The following THAP4 variants were observed in gnomAD, a reference collection of about 807,000 sequenced individuals.
THAP4 encodes THAP domain containing 4.
THAP4 carries 18 observed loss-of-function variants against 48.1 expected under a neutral mutation model. The ratio of observed to expected loss-of-function variants is 0.37; its 90% CI spans 0.26 to 0.56. The LOEUF (loss-of-function observed/expected upper bound fraction) is 0.56, where lower values mean the gene tolerates loss of function less well. THAP4 is among the 20% of genes least tolerant of loss of function. THAP4 has a pLI of 0.78. For synonymous variants in THAP4, 345 were observed against 324.9 expected, an observed-to-expected ratio of 1.06 and a Z score of -0.66; for missense variants, 656 against 774.9, an observed-to-expected ratio of 0.85 and a Z score of 1.82.
intron 2 of THAP4, among the ~76,000 whole-genome samples, chr2:241,627,487 C>T (rs541025498): frequency 5.2e-4 from 79 of 152,334 alleles, no homozygotes; most frequent in Non-Finnish European, 4.6e-4. Flanking sequence ...GAGAAGAACA[C>T]TACGTCCACA....
At chr2:241,631,350 G>A (rs751051579) in intron 2 of THAP4, among the ~76,000 whole-genome samples, 2 of 152,136 alleles carry the variant, frequency 1.3e-5, no homozygotes, top group Non-Finnish European at 2.9e-5. Flanking sequence ...CTATGTACAC[G>A]ACAGGCAAAG....
chr2:241,596,444 T>C (rs2067047582), intron 5 of THAP4, among the ~76,000 whole-genome samples: 1 of 80,196 alleles, frequency 1.2e-5, no homozygotes, highest in Non-Finnish European at 2.5e-5. Context: ...GAGGCAGAGG[T>C]TGCAGTGAGC....
chr2:241,590,031 G>A (rs978149900), intron 5 of THAP4, among the ~76,000 whole-genome samples: 2 of 145,144 alleles, frequency 1.4e-5, no homozygotes, highest in Admixed American at 6.8e-5. Flanking sequence ...CTCGGCTGAC[G>A]ATGACGGGCA....
Position 241,591,457 on chromosome 2 carries a change from T to C in THAP4, c.1615-6732A>G, listed in dbSNP as rs994078852. On this transcript the variant is annotated intron_variant, in intron 5 of 5. Coordinates refer to ENST00000407315, the MANE Select transcript of THAP4 (RefSeq NM_015963.6). ...GTATGCATTTATTCCATATAAAGTA[T>C]ACCTCAATAGAGGTGATTTTTAAAA... Among the ~76,000 whole-genome samples the C allele has an allele frequency of 3.9e-5, 6 of 152,358 alleles. No homozygotes were observed. The East Asian group carries it at 1.2e-3, about 29-fold the overall frequency.
intron 2 of THAP4, among the ~76,000 whole-genome samples, chr2:241,608,290 T>G (rs1559225278): frequency 1.3e-5 from 2 of 152,202 alleles, no homozygotes; most frequent in African/African-American, 4.8e-5. Context: ...GCCTGCTGGC[T>G]GCACAGGGCA....
rs1337650456 is a variant in THAP4, at chr2:241,632,935, G to A, written c.1222C>T (p.Leu408=). The change falls in exon 2 of 6, where the codon CTG becomes TTG. Residue 408 remains leucine, a synonymous_variant. Transcript: ENST00000407315. ...RRVSVPYPSS[L]LSPSREPPKM... is the part of the protein sequence containing the mutation. ...TACTGACCGCGGCTGGGCGACAGCA[G>A]GCTACTTGGATAGGGGACGCTCACT... 7 of 1,605,210 alleles carry A rather than the reference G, an allele frequency of 4.4e-6. No individual in the cohort carries two copies. The highest frequency in any genetic ancestry group is 6.0e-6 in the Non-Finnish European group (7 of 1,175,418).
intron 5 of THAP4, among the ~76,000 whole-genome samples, chr2:241,593,871 A>C (rs993426841): frequency 6.6e-6 from 1 of 151,930 alleles, no homozygotes; most frequent in African/African-American, 2.4e-5. Flanking sequence ...ATTTTTTGTG[A>C]AACCAGGTTT....
chr2:241,636,903 G>A (rs1372210164), intron 1 of THAP4, 38 bp downstream of exon 1: 3 of 1,150,738 alleles, frequency 2.6e-6, no homozygotes, highest in South Asian at 1.8e-5. Context: ...CGCAGGGCCG[G>A]GTCGGGGCGG....
chr2:241,628,762 A>C (rs1326401880), intron 2 of THAP4, among the ~76,000 whole-genome samples: 2 of 151,264 alleles, frequency 1.3e-5, no homozygotes, highest in Non-Finnish European at 2.9e-5. Flanking sequence ...AAACAAAAAA[A>C]ACAAAAAAAC....
rs149977046 is a variant in THAP4 at position 241,633,542 on chromosome 2, G to A, written c.615C>T (p.Ser205=). The change falls in exon 2 of 6, where the codon TCC becomes TCT. Residue 205 remains serine, a synonymous_variant. Transcript: ENST00000407315. The surrounding 1 kb of genome is among the most constrained non-coding windows in gnomAD (Gnocchi z 7.5). ...TCTTATCTGTCACGCCCCCTTCGATGGAGGAAGTGGCGCTCTCATCGCCAG... is the reference window on the plus strand; with the variant it reads ...TCTTATCTGTCACGCCCCCTTCGATAGAGGAAGTGGCGCTCTCATCGCCAG... ...TDAGDESATS[S]IEGGVTDKSG... 2.5e-6 allele frequency: 4 copies of A among 1,613,920 alleles called. No individual in the cohort carries two copies. The African/African-American group carries it at 4.0e-5, about 16-fold the overall frequency.
intron 2 of THAP4, 73 bp from the exon 3 acceptor site, chr2:241,606,546 C>G: frequency 7.3e-7 from 1 of 1,376,262 alleles, no homozygotes; most frequent in East Asian, 2.5e-5. Flanking sequence ...GCAGAATGCA[C>G]GTTCCATATC....
chr2:241,623,876 T>C (rs138232873), intron 2 of THAP4, among the ~76,000 whole-genome samples: 2 of 152,330 alleles, frequency 1.3e-5, no homozygotes, highest in Non-Finnish European at 2.9e-5. Flanking sequence ...AGGACACTTC[T>C]GTGGCCACAT....
chr2:241,601,739 C>T lies in THAP4; in HGVS notation c.1614+157G>A. ...GCAATGAATTTAGGGAACATCCACC[C>T]TGGATGGTCCGAGAAGGGAAAAGAA... On this transcript the variant is annotated intron_variant, in intron 5 of 5. Transcript: ENST00000407315. The surrounding 1 kb of genome is among the most constrained non-coding windows in gnomAD (Gnocchi z 4.0). The T allele has an allele frequency of 2.8e-6, 4 of 1,409,550 alleles. No individual in the cohort carries two copies. Among genetic ancestry groups the T allele is most frequent in the African/African-American group, 2.8e-5 (2 of 70,448 alleles). 87.3% of individuals were successfully genotyped at this position (1,409,550 alleles called of 1,614,324 possible).
intron 1 of THAP4, among the ~76,000 whole-genome samples, chr2:241,635,407 C>T (rs1481784761): frequency 6.6e-6 from 1 of 152,220 alleles, no homozygotes; most frequent in East Asian, 1.9e-4. Context: ...TCTTTATTAC[C>T]TAATAAAGAT....
upstream of THAP4, chr2:241,637,234 C>A (rs1427955285): frequency 6.0e-6 from 6 of 1,007,644 alleles, no homozygotes; most frequent in Middle Eastern, 5.0e-4. Context: ...CGGGTTCGGG[C>A]GTCTTCGGAC....
At chr2:241,622,591 C>CA (rs201451222) in intron 2 of THAP4, among the ~76,000 whole-genome samples, 88 of 150,584 alleles carry the variant, frequency 5.8e-4, no homozygotes, top group Non-Finnish European at 7.5e-4. Flanking sequence ...TAACAGAAAA[C>CA]AAACAAAAAA....
intron 5 of THAP4, among the ~76,000 whole-genome samples, chr2:241,597,044 C>CT (rs1258732701): frequency 6.6e-6 from 1 of 152,214 alleles, no homozygotes; most frequent in Non-Finnish European, 1.5e-5. Context: ...TGGCTTCTTT[C>CT]ACTCATGAAG....
In THAP4 at chr2:241,615,322, G is replaced by T. The variant is rs188195228; in HGVS notation, c.1241-8849C>A. Among the ~76,000 whole-genome samples the T allele has an allele frequency of 2.6e-5, 4 of 152,082 alleles. No individual in the cohort carries two copies. In the East Asian group the frequency reaches 7.8e-4, roughly 30 times the overall value. Reference sequence around the variant, plus strand: ...CTAGGAGCTTGTGTTTCACTTATGCGAATTACACCTCAATAAAAATGTTAT... The same window carrying T: ...CTAGGAGCTTGTGTTTCACTTATGCTAATTACACCTCAATAAAAATGTTAT... On this transcript the variant is annotated intron_variant, in intron 2 of 5. Coordinates refer to ENST00000407315, the MANE Select transcript of THAP4 (RefSeq NM_015963.6).
intron 2 of THAP4, among the ~76,000 whole-genome samples, chr2:241,629,686 TGAA>T (rs2067534419): frequency 6.6e-6 from 1 of 151,298 alleles, no homozygotes; most frequent in Non-Finnish European, 1.5e-5. Flanking sequence ...AATAAGGAAA[TGAA>T]GAAATAAGAC....
Sources: gnomAD v4.1 joint callset for allele counts (sites outside exome capture counted in the v4.1 genomes callset) on GRCh38, gnomAD v4.1.1 for gene constraint, Gnocchi (gnomAD v3.1) non-coding constraint, MANE v1.5 for transcripts, NCBI Gene and HGNC (gene_info 2026-07-23, HGNC 2026-07-21) for gene names.